The following KIAA0586 variants were observed in gnomAD, a reference collection of about 807,000 sequenced individuals.
KIAA0586 encodes the protein protein TALPID3.
In KIAA0586, 144 loss-of-function variants were observed where a neutral mutation model predicts 169.8. The ratio of observed to expected loss-of-function variants is 0.85; its 90% CI spans 0.74 to 0.97. The LOEUF (loss-of-function observed/expected upper bound fraction) is 0.97. Among genes scored for constraint, KIAA0586 ranks in the 50% least tolerant of loss-of-function variants. The probability of loss-of-function intolerance (pLI) is 0.00; values close to 1 mark genes in which losing one functional copy is unlikely to be tolerated. For missense variants in KIAA0586, 1,854 were observed against 1,823.0 expected (o/e 1.02, Z -0.31); for synonymous variants, 625 against 612.4 (o/e 1.02, Z -0.30).
intron 6 of KIAA0586, among the ~76,000 whole-genome samples, chr14:58,446,356 G>A (rs1278535864): frequency 6.6e-6 from 1 of 151,530 alleles, no homozygotes; most frequent in East Asian, 2.0e-4. Context: ...AATTAGCTGG[G>A]CATGGTGGCA....
At chr14:58,558,258 A>G in the KIAA0586 span, among the ~76,000 whole-genome samples, 1 of 152,282 alleles carries the variant, frequency 6.6e-6, no homozygotes, top group South Asian at 2.1e-4. Flanking sequence ...ATAAAATGAA[A>G]TAGTTTTCAT....
downstream of KIAA0586, among the ~76,000 whole-genome samples, chr14:58,552,008 C>G (rs572839220): frequency 6.6e-6 from 1 of 152,056 alleles, no homozygotes; most frequent in Non-Finnish European, 1.5e-5. Flanking sequence ...GGCGTGGATC[C>G]TCAGGGGGAG....
At chr14:58,478,621 C>T (rs1033118559) in intron 20 of KIAA0586, among the ~76,000 whole-genome samples, 11 of 152,052 alleles carry the variant, frequency 7.2e-5, no homozygotes, top group African/African-American at 1.2e-4. Flanking sequence ...AGTGAGTCAC[C>T]GCACCTGGCC....
In KIAA0586 at chr14:58,522,107, C is replaced by G. The variant is rs1337660177; in HGVS notation, c.4429+9480C>G. 1.1e-5 allele frequency: 7 copies of G among 626,352 alleles called. No homozygotes were observed. In the Admixed American group the frequency reaches 1.5e-4, roughly 13 times the overall value. The allele number at this position is 626,352 out of a possible 1,614,324, so 38.8% of individuals were successfully genotyped here. A position where few individuals can be genotyped will look rare whatever the true frequency, so the allele number is the denominator to read the frequency against. On this transcript the variant is annotated intron_variant, in intron 29 of 30. Transcript: ENST00000652326. ...GTATCTTCAGCACATGCTCACTGTT[C>G]TCCCAATCCTTGTCCTTCCCATGTT...
intron 4 of KIAA0586, chr14:58,441,016 A>AT (rs1412109333): frequency 5.5e-6 from 1 of 182,180 alleles, no homozygotes; most frequent in Non-Finnish European, 1.2e-5. Flanking sequence ...TAAAAAGATA[A>AT]TTATGTGAAG....
chr14:58,536,814 T>TG (rs2140066727), intron 29 of KIAA0586, among the ~76,000 whole-genome samples: 1 of 152,100 alleles, frequency 6.6e-6, no homozygotes, highest in South Asian at 2.1e-4. Context: ...AAGTAAAAGC[T>TG]AACAAGTCAG....
intron 6 of KIAA0586, among the ~76,000 whole-genome samples, chr14:58,444,527 G>T (rs2038686387): frequency 1.3e-5 from 2 of 152,096 alleles, no homozygotes. Flanking sequence ...GGGTTCAGGA[G>T]ATTTTCCTGC....
At chr14:58,455,218 T>C (rs1375024794) in intron 9 of KIAA0586, among the ~76,000 whole-genome samples, 1 of 131,068 alleles carries the variant, frequency 7.6e-6, no homozygotes, top group Non-Finnish European at 1.6e-5. Flanking sequence ...GATCATTCTA[T>C]ATTTGGCAAG....
chr14:58,508,239 T>C (rs2044139646), intron 27 of KIAA0586, among the ~76,000 whole-genome samples: 4 of 152,188 alleles, frequency 2.6e-5, no homozygotes, highest in Admixed American at 6.5e-5. Context: ...CTCTTAGAGA[T>C]AGGAAAGGTA....
chr14:58,510,091 C>T lies in KIAA0586; in HGVS notation c.4323+1382C>T, dbSNP rs369450366. Among the ~76,000 whole-genome samples the T allele has an allele frequency of 8.7e-4, 132 of 152,322 alleles. 1 individual carries two copies. The highest frequency in any genetic ancestry group is 6.8e-3 in the Middle Eastern group (2 of 294). ...AATAAGCACATAAAAAGATTCTTAG[C>T]TGGGCGTGGTGGCTCACGCCTGTAA... is the stretch of plus-strand genomic sequence containing the variant. On this transcript the variant is annotated intron_variant, in intron 28 of 30. Transcript: ENST00000652326.
rs182664201 is a variant in KIAA0586 at position 58,448,225 on chromosome 14, A to G, written c.808-115A>G. On this transcript the variant is annotated intron_variant, in intron 6 of 30. Transcript: ENST00000652326. ...ACTTGCAATGTAATACATATTTTTC[A>G]TTGTTTATTAAATGCAGTAAATTAT... is the stretch of plus-strand genomic sequence containing the variant. The G allele has an allele frequency of 1.1e-4, 75 of 674,986 alleles. No homozygotes were observed. The East Asian group carries it at 1.7e-3, about 15-fold the overall frequency. 41.8% of individuals were successfully genotyped at this position (674,986 alleles called of 1,614,324 possible).
At chr14:58,442,570 C>T in intron 4 of KIAA0586, 136 bp from the exon 5 acceptor site, 2 of 605,668 alleles carry the variant, frequency 3.3e-6, no homozygotes, top group Non-Finnish European at 5.6e-6. Flanking sequence ...TTTTGTTAAC[C>T]AAATGACCTT....
chr14:58,490,230 C>T lies in KIAA0586; in HGVS notation c.3848C>T (p.Ala1283Val), dbSNP rs1229333209. Reference protein sequence around the residue: ...NDSLSSTLHDAVEMEDDPPSE... With the variant: ...NDSLSSTLHDVVEMEDDPPSE... Reference sequence around the variant, plus strand: ...AGCTTATCCAGCACTCTGCATGATGCCGTTGAAATGGTAAGTAACGATTGA... The same window carrying T: ...AGCTTATCCAGCACTCTGCATGATGTCGTTGAAATGGTAAGTAACGATTGA... Residue 1283 changes from alanine to valine, a missense_variant, in exon 25 of 31, where the codon GCC becomes GTC. Coordinates refer to ENST00000652326, the MANE Select transcript of KIAA0586 (RefSeq NM_001329943.3). 2.6e-6 allele frequency: 4 copies of T among 1,526,622 alleles called. No homozygotes were observed. The highest frequency in any genetic ancestry group is 2.4e-5 in the East Asian group (1 of 41,182). 94.6% of individuals were successfully genotyped at this position (1,526,622 alleles called of 1,614,324 possible).
intron 29 of KIAA0586, chr14:58,521,888 T>A: frequency 7.8e-7 from 1 of 1,276,144 alleles, no homozygotes; most frequent in Non-Finnish European, 1.1e-6. Context: ...ATGATGACAA[T>A]GAAGATGGGG....
chr14:58,476,376 T>G (rs1566860238), intron 19 of KIAA0586, among the ~76,000 whole-genome samples: 1 of 152,138 alleles, frequency 6.6e-6, no homozygotes, highest in African/African-American at 2.4e-5. Context: ...TCTTTACATT[T>G]TAAGAGGAAA....
intron 1 of KIAA0586, 65 bp from the exon 2 acceptor site, chr14:58,429,298 A>G (rs2037162810): frequency 1.0e-6 from 1 of 955,926 alleles, no homozygotes; most frequent in Non-Finnish European, 1.7e-6. Context: ...AATCATGCAT[A>G]TACAGTTTCT....
intron 4 of KIAA0586, among the ~76,000 whole-genome samples, chr14:58,442,171 G>A (rs776534223): frequency 2.0e-5 from 3 of 151,906 alleles, no homozygotes; most frequent in Admixed American, 1.3e-4. Flanking sequence ...GTGCAGTGGC[G>A]CAATCCTGGC....
intron 27 of KIAA0586, among the ~76,000 whole-genome samples, chr14:58,505,703 A>G (rs961515705): frequency 1.3e-5 from 2 of 151,944 alleles, no homozygotes; most frequent in African/African-American, 4.8e-5. Flanking sequence ...ATGTCTTTTC[A>G]TTCATATGTT....
intron 22 of KIAA0586, 66 bp from the exon 23 acceptor site, chr14:58,487,821 A>C: frequency 2.0e-6 from 2 of 984,022 alleles, no homozygotes. Context: ...GCAATGTATC[A>C]TGCCATCCTA....
Sources: allele counts gnomAD v4.1 joint callset (sites outside exome capture counted in the v4.1 genomes callset), GRCh38; gene constraint gnomAD v4.1.1; transcripts MANE v1.5; gene names NCBI Gene and HGNC (gene_info 2026-07-23, HGNC 2026-07-21).